RELCH: variants seen among roughly 807,000 people sequenced by gnomAD.
RELCH encodes the protein RAB11 binding and LisH domain, coiled-coil and HEAT repeat containing, also known as RAB11-binding protein RELCH.
Under a neutral mutation model 150.3 loss-of-function variants are expected in RELCH, and 41 were observed. The observed-to-expected ratio is 0.27, with a 90% confidence interval of 0.21 to 0.35. The LOEUF is 0.35. RELCH is among the 10% of genes least tolerant of loss of function. The pLI is 1.00. For synonymous variants in RELCH, 478 were observed against 531.8 expected (o/e 0.90, Z 1.39); for missense variants, 1,092 against 1,467.8 (o/e 0.74, Z 4.18).
rs545762150 is a variant in RELCH at position 62,271,800 on chromosome 18, A to C, written c.2761-2180A>C. ...GGAAGGGATCCAGTTTCCACTTTCT[A>C]CACATGGCTAGCCAGTTTTCCCAGC... On this transcript the variant is annotated intron_variant, in intron 20 of 28. Coordinates refer to ENST00000644646, the MANE Select transcript of RELCH (RefSeq NM_001346231.2). Among the ~76,000 whole-genome samples the C allele has an allele frequency of 3.5e-3, 528 of 152,266 alleles. 3 individuals carry two copies. Among genetic ancestry groups the C allele is most frequent in the African/African-American group, 0.012 (503 of 41,566 alleles).
At chr18:62,222,159 A>G (rs1163676375) in intron 5 of RELCH, among the ~76,000 whole-genome samples, 1 of 151,974 alleles carries the variant, frequency 6.6e-6, no homozygotes, top group Non-Finnish European at 1.5e-5. Context: ...TTAAATCAAG[A>G]TTATTCTGTT....
chr18:62,258,001 A>C lies in RELCH; in HGVS notation c.1950A>C (p.Glu650Asp). The change falls in exon 14 of 29, where the codon GAA becomes GAC. Residue 650 changes from glutamate to aspartate, a missense_variant. This residue lies in a region of RELCH where 707 missense variants were observed against 1,025.4 expected (regional missense o/e 0.69). Transcript: ENST00000644646. Reference sequence around the variant, plus strand: ...CAATGTTGCAACAAATGTTAATGGAAGATAAGGCAGATTTGGTAAGAGAAG... The same window carrying C: ...CAATGTTGCAACAAATGTTAATGGACGATAAGGCAGATTTGGTAAGAGAAG... ...VLSMLQQMLM[E>D]DKADLVREAV... 6.2e-7 allele frequency: 1 copy of C among 1,608,376 alleles called. No individual in the cohort carries two copies. Among genetic ancestry groups the C allele is most frequent in the South Asian group, 1.1e-5 (1 of 90,060 alleles).
At chr18:62,195,096 A>G (rs2038930281) in intron 1 of RELCH, among the ~76,000 whole-genome samples, 1 of 152,220 alleles carries the variant, frequency 6.6e-6, no homozygotes. Context: ...ATATAGCTTT[A>G]TAAGTTTGAT....
chr18:62,209,418 G>T (rs1324543431), intron 1 of RELCH, among the ~76,000 whole-genome samples: 3 of 152,064 alleles, frequency 2.0e-5, no homozygotes, highest in Non-Finnish European at 2.9e-5. Context: ...AAATGTCTTG[G>T]TACTATTGTC....
At chr18:62,244,715 T>C in intron 10 of RELCH, 49 bp from the exon 11 acceptor site, 1 of 1,180,682 alleles carries the variant, frequency 8.5e-7, no homozygotes, top group Non-Finnish European at 1.3e-6. Context: ...AAAAAGAATA[T>C]TCTGCAATGT....
intron 23 of RELCH, 121 bp downstream of exon 23, chr18:62,279,977 T>A: frequency 1.5e-6 from 1 of 651,936 alleles, no homozygotes; most frequent in East Asian, 2.7e-5. Context: ...TGGATTATGC[T>A]TATTTGATTT....
rs545477641 is a variant in RELCH, at chr18:62,295,786, T to G, written c.3460-3004T>G. 1.4e-3 allele frequency among the ~76,000 whole-genome samples: 212 copies of G among 152,284 alleles called. 8 individuals carry two copies. In the South Asian group the frequency reaches 0.042, roughly 30 times the overall value. ...CAGGGTTTTGCCACGCTGCCCAGGC[T>G]GGTCTCAAACTCTTGGGTTCAAGCG... On this transcript the variant is annotated intron_variant, in intron 27 of 28. Coordinates refer to ENST00000644646, the MANE Select transcript of RELCH (RefSeq NM_001346231.2).
At chr18:62,251,327 C>A (rs1467078528) in intron 11 of RELCH, among the ~76,000 whole-genome samples, 1 of 152,202 alleles carries the variant, frequency 6.6e-6, no homozygotes, top group Non-Finnish European at 1.5e-5. Context: ...TAATCTTAAT[C>A]ACACAGTTGG....
At chr18:62,243,605 G>A (rs770922814) in intron 10 of RELCH, among the ~76,000 whole-genome samples, 1 of 151,976 alleles carries the variant, frequency 6.6e-6, no homozygotes, top group South Asian at 2.1e-4. Flanking sequence ...TAGAAACAAC[G>A]GAGAGAGACT....
chr18:62,211,975 C>G (rs1204167917), intron 2 of RELCH, among the ~76,000 whole-genome samples: 5 of 152,064 alleles, frequency 3.3e-5, no homozygotes, highest in African/African-American at 1.2e-4. Context: ...AGGACACTGC[C>G]CATCCCAATA....
intron 24 of RELCH, 37 bp from the exon 25 acceptor site, chr18:62,282,268 AT>A: frequency 6.3e-7 from 1 of 1,583,168 alleles, no homozygotes; most frequent in Non-Finnish European, 8.7e-7. Context: ...TCAGTTTTCA[AT>A]ATTCTATGAA....
Position 62,273,963 on chromosome 18 carries a change from G to A in RELCH, c.2761-17G>A. The A allele has an allele frequency of 1.4e-6, 2 of 1,466,886 alleles. No individual in the cohort carries two copies. The highest frequency in any genetic ancestry group is 1.9e-6 in the Non-Finnish European group (2 of 1,047,626). The allele number at this position is 1,466,886 out of a possible 1,614,324, so 90.9% of individuals were successfully genotyped here. A position where few individuals can be genotyped will look rare whatever the true frequency, so the allele number is the denominator to read the frequency against. ...TTGATTGTTTGGAAATTCAGTATCAGTATTTTTCCTCTGTAGGAAGAAGAC... is the reference window on the plus strand; with the variant it reads ...TTGATTGTTTGGAAATTCAGTATCAATATTTTTCCTCTGTAGGAAGAAGAC... On this transcript the variant is annotated splice_polypyrimidine_tract_variant and intron_variant, in intron 20 of 28. Coordinates refer to ENST00000644646, the MANE Select transcript of RELCH (RefSeq NM_001346231.2).
At chr18:62,245,534 G>A (rs1266525586) in intron 11 of RELCH, among the ~76,000 whole-genome samples, 1 of 152,110 alleles carries the variant, frequency 6.6e-6, no homozygotes, top group Admixed American at 6.5e-5. Context: ...GCTGAGGCAG[G>A]AGAATCGCTT....
intron 22 of RELCH, among the ~76,000 whole-genome samples, chr18:62,276,616 T>C (rs2044222947): frequency 6.6e-6 from 1 of 152,160 alleles, no homozygotes; most frequent in African/African-American, 2.4e-5. Context: ...AATATCAGAA[T>C]TTCTCCACAA....
intron 1 of RELCH, among the ~76,000 whole-genome samples, chr18:62,189,516 A>G (rs73456608): frequency 0.098 from 14,908 of 152,078 alleles, 860 homozygotes; most frequent in East Asian, 0.19. Flanking sequence ...CATTTTTATA[A>G]TAAATTTCTC....
intron 1 of RELCH, among the ~76,000 whole-genome samples, chr18:62,202,663 T>C (rs1175584584): frequency 1.3e-5 from 2 of 152,112 alleles, no homozygotes; most frequent in East Asian, 3.8e-4. Context: ...AATAAATGAG[T>C]TCTTTAAAAC....
chr18:62,214,731 C>G (rs8086580), intron 2 of RELCH, among the ~76,000 whole-genome samples: 42,915 of 152,070 alleles, frequency 0.28, 7,203 homozygotes, highest in East Asian at 0.59. Flanking sequence ...CTGCTTGCAC[C>G]CTCTGGAGCT....
At chr18:62,275,676 T>C in intron 22 of RELCH, 1 of 413,576 alleles carries the variant, frequency 2.4e-6, no homozygotes. Context: ...TTTTCTCAGC[T>C]TACTGGTTCC....
At chr18:62,303,157 T>C (rs1276794075) in intron 28 of RELCH, among the ~76,000 whole-genome samples, 2 of 148,184 alleles carry the variant, frequency 1.3e-5, no homozygotes, top group African/African-American at 2.4e-5. Flanking sequence ...ATTGCTGTAA[T>C]GCAATGATTT....
Sources: allele counts gnomAD v4.1 joint callset (sites outside exome capture counted in the v4.1 genomes callset), GRCh38; gene constraint gnomAD v4.1.1; regional missense constraint gnomAD v4.1.1; transcripts MANE v1.5; gene names NCBI Gene and HGNC (gene_info 2026-07-23, HGNC 2026-07-21).